ENTREP2: variants seen among roughly 807,000 people sequenced by gnomAD.
ENTREP2 encodes the protein protein ENTREP2.
the ENTREP2 span, among the ~76,000 whole-genome samples, chr15:29,462,708 G>A: frequency 6.6e-6 from 1 of 152,076 alleles, no homozygotes; most frequent in African/African-American, 2.4e-5. Flanking sequence ...GAATCACTAG[G>A]AGTCCCATCA....
the ENTREP2 span, among the ~76,000 whole-genome samples, chr15:29,248,593 T>A: frequency 6.6e-6 from 1 of 151,964 alleles, no homozygotes; most frequent in Non-Finnish European, 1.5e-5. Flanking sequence ...TATGACATAA[T>A]TACACATATA....
chr15:29,207,034 C>T, the ENTREP2 span, among the ~76,000 whole-genome samples: 1 of 152,144 alleles, frequency 6.6e-6, no homozygotes, highest in South Asian at 2.1e-4. Context: ...GAGCCACTTT[C>T]CCGCGAGTGG....
At chr15:29,158,610 C>A in the ENTREP2 span, among the ~76,000 whole-genome samples, 1 of 152,036 alleles carries the variant, frequency 6.6e-6, no homozygotes, top group Non-Finnish European at 1.5e-5. Context: ...TAGGGTTTCA[C>A]CATGTTGGCT....
chr15:29,253,763 T>A, the ENTREP2 span, among the ~76,000 whole-genome samples: 2 of 152,048 alleles, frequency 1.3e-5, no homozygotes, highest in African/African-American at 4.8e-5. Flanking sequence ...CTTTTTGTGA[T>A]GTTAGCGGCC....
chr15:29,326,484 G>T, the ENTREP2 span, among the ~76,000 whole-genome samples: 2 of 151,938 alleles, frequency 1.3e-5, no homozygotes, highest in Non-Finnish European at 2.9e-5. Flanking sequence ...CCAAGAAAAC[G>T]AAATACTTAG....
the ENTREP2 span, among the ~76,000 whole-genome samples, chr15:29,556,748 A>G: frequency 8.0e-6 from 1 of 124,844 alleles, no homozygotes. Flanking sequence ...CCCTGGCTTC[A>G]GCCCCATGCA....
At chr15:29,446,288 C>T in the ENTREP2 span, among the ~76,000 whole-genome samples, 1 of 152,234 alleles carries the variant, frequency 6.6e-6, no homozygotes, top group Non-Finnish European at 1.5e-5. Flanking sequence ...CACCAACTAA[C>T]ACTCCTTTCC....
At chr15:29,553,451 C>T in the ENTREP2 span, among the ~76,000 whole-genome samples, 36 of 152,236 alleles carry the variant, frequency 2.4e-4, no homozygotes, top group South Asian at 2.7e-3. Flanking sequence ...AAAAAATACA[C>T]GAGAATTACC....
At chr15:29,337,954 G>A in the ENTREP2 span, among the ~76,000 whole-genome samples, 2 of 152,118 alleles carry the variant, frequency 1.3e-5, no homozygotes, top group South Asian at 4.1e-4. Context: ...CAACCTCTTT[G>A]AGGGTCATTT....
the ENTREP2 span, among the ~76,000 whole-genome samples, chr15:29,145,540 G>A: frequency 8.3e-5 from 12 of 144,554 alleles, no homozygotes; most frequent in African/African-American, 1.0e-4. Context: ...GGAGAATGGC[G>A]TGAACCCGGG....
the ENTREP2 span, among the ~76,000 whole-genome samples, chr15:29,388,972 G>C: frequency 8.2e-6 from 1 of 122,262 alleles, no homozygotes; most frequent in East Asian, 2.9e-4. Context: ...TGTGGGGTGG[G>C]GGGAGGGGGG....
chr15:29,491,067 C>T, the ENTREP2 span, among the ~76,000 whole-genome samples: 2 of 152,164 alleles, frequency 1.3e-5, no homozygotes, highest in Non-Finnish European at 2.9e-5. Flanking sequence ...GTGGCACAGG[C>T]GGGCCAGCAG....
chr15:29,532,185 T>A, the ENTREP2 span, among the ~76,000 whole-genome samples: 5 of 152,314 alleles, frequency 3.3e-5, no homozygotes, highest in African/African-American at 1.2e-4. Flanking sequence ...CAGAGCAATT[T>A]TGAATTTATT....
chr15:29,308,761 T>C, the ENTREP2 span, among the ~76,000 whole-genome samples: 1 of 152,222 alleles, frequency 6.6e-6, no homozygotes. Context: ...CATACTGTTT[T>C]CAGTTAAAGA....
At chr15:29,300,752 C>G in the ENTREP2 span, among the ~76,000 whole-genome samples, 1 of 152,096 alleles carries the variant, frequency 6.6e-6, no homozygotes, top group Non-Finnish European at 1.5e-5. Flanking sequence ...GCACCTGCCA[C>G]CATGCCCGGC....
chr15:29,487,261 CAGAACGCA>C, the ENTREP2 span, among the ~76,000 whole-genome samples: 21 of 152,170 alleles, frequency 1.4e-4, no homozygotes, highest in Non-Finnish European at 7.3e-5. Context: ...ATGCCCAGAG[CAGAACGCA>C]TGCTCAGAAG....
chr15:29,526,320 C>G, the ENTREP2 span, among the ~76,000 whole-genome samples: 1 of 152,154 alleles, frequency 6.6e-6, no homozygotes, highest in Non-Finnish European at 1.5e-5. Flanking sequence ...GCTCCCCTCA[C>G]GCTTCTCAAA....
At chr15:29,225,368 G>A in the ENTREP2 span, among the ~76,000 whole-genome samples, 71 of 152,320 alleles carry the variant, frequency 4.7e-4, no homozygotes, top group Middle Eastern at 3.4e-3. Flanking sequence ...TGACTTTCGG[G>A]GATCTCCCAA....
the ENTREP2 span, among the ~76,000 whole-genome samples, chr15:29,224,307 G>C: frequency 9.1e-4 from 138 of 152,238 alleles, no homozygotes; most frequent in Non-Finnish European, 1.8e-3. Flanking sequence ...AGGTGATAAA[G>C]GCAGTTTGGA....
Sources: gnomAD v4.1 joint callset for allele counts (sites outside exome capture counted in the v4.1 genomes callset) on GRCh38, gnomAD v4.1.1 for gene constraint, MANE v1.5 for transcripts, NCBI Gene and HGNC (gene_info 2026-07-23, HGNC 2026-07-21) for gene names.